Variants in ERGIC1 observed in about 807,000 individuals in gnomAD.
ERGIC1 encodes endoplasmic reticulum-Golgi intermediate compartment protein 1.
In ERGIC1, 19 loss-of-function variants were observed where a neutral mutation model predicts 38.3. That is an observed-to-expected ratio of 0.50 (90% CI 0.35 to 0.73). The LOEUF is 0.73. Among genes scored for constraint, ERGIC1 ranks in the 30% least tolerant of loss-of-function variants. The pLI, the probability that ERGIC1 is intolerant of heterozygous loss-of-function variation, is 0.01. For missense variants in ERGIC1, 294 were observed against 389.2 expected, an observed-to-expected ratio of 0.76 and a Z score of 2.06; for synonymous variants, 124 against 157.6, an observed-to-expected ratio of 0.79 and a Z score of 1.60.
Position 172,862,072 on chromosome 5 carries a change from A to G in ERGIC1, c.21-26627A>G, listed in dbSNP as rs188444418. 4.6e-3 allele frequency among the ~76,000 whole-genome samples: 701 copies of G among 151,302 alleles called. 7 individuals carry two copies. Among genetic ancestry groups the G allele is most frequent in the African/African-American group, 0.016 (679 of 41,272 alleles). ...AATGGCATGATCTCGGCTCGCTGCAACCTCCGCCTCCCGGGTTCAAGCGAT... is the reference window on the plus strand; with the variant it reads ...AATGGCATGATCTCGGCTCGCTGCAGCCTCCGCCTCCCGGGTTCAAGCGAT... On this transcript the variant is annotated intron_variant, in intron 1 of 9. Coordinates refer to ENST00000393784, the MANE Select transcript of ERGIC1 (RefSeq NM_001031711.3).
At chr5:172,931,725 C>G (rs1763778510) in intron 7 of ERGIC1, among the ~76,000 whole-genome samples, 1 of 152,172 alleles carries the variant, frequency 6.6e-6, no homozygotes, top group African/African-American at 2.4e-5. Context: ...GGGCATCTTT[C>G]CAGATAATTC....
At chr5:172,844,070 G>A (rs750401563) in intron 1 of ERGIC1, among the ~76,000 whole-genome samples, 2 of 152,180 alleles carry the variant, frequency 1.3e-5, no homozygotes, top group African/African-American at 2.4e-5. Flanking sequence ...CAGGGCCTCC[G>A]GGGTTTGCAG....
chr5:172,840,856 A>G (rs1232019604), intron 1 of ERGIC1, among the ~76,000 whole-genome samples: 1 of 152,202 alleles, frequency 6.6e-6, no homozygotes, highest in African/African-American at 2.4e-5. Flanking sequence ...TCATGTATTC[A>G]TTAAAATGTA....
At chr5:172,901,620 T>G (rs1762880466) in intron 3 of ERGIC1, among the ~76,000 whole-genome samples, 1 of 152,162 alleles carries the variant, frequency 6.6e-6, no homozygotes, top group Admixed American at 6.5e-5. Flanking sequence ...TGTTTGTTTT[T>G]TGAAACAGGG....
At chr5:172,901,587 T>C (rs1762877742) in intron 3 of ERGIC1, among the ~76,000 whole-genome samples, 1 of 152,062 alleles carries the variant, frequency 6.6e-6, no homozygotes, top group Admixed American at 6.5e-5. Context: ...GTCAGCACTT[T>C]ATTTTTATTT....
At chr5:172,885,706 T>TCGCTA (rs149462374) in intron 1 of ERGIC1, among the ~76,000 whole-genome samples, 15 of 151,880 alleles carry the variant, frequency 9.9e-5, no homozygotes, top group East Asian at 1.9e-4. Context: ...TGCAGCCCTT[T>TCGCTA]CCTGCTGCTC....
intron 1 of ERGIC1, among the ~76,000 whole-genome samples, chr5:172,885,888 G>A (rs1762406263): frequency 2.0e-5 from 3 of 152,152 alleles, no homozygotes; most frequent in African/African-American, 7.2e-5. Flanking sequence ...CATTTGTCCT[G>A]TAGAGTGTTG....
At position 172,834,585 on chromosome 5, in the gene ERGIC1, C is replaced by CCCCG. The variant is rs1760986445; in HGVS notation, c.20+155_20+156insGCCC. The CCCCG allele has an allele frequency of 1.4e-6, 1 of 710,516 alleles. No homozygotes were observed. Among genetic ancestry groups the CCCCG allele is most frequent in the African/African-American group, 2.1e-5 (1 of 48,322 alleles). The allele number at this position is 710,516 out of a possible 1,614,324, so 44.0% of individuals were successfully genotyped here. A position where few individuals can be genotyped will look rare whatever the true frequency, so the allele number is the denominator to read the frequency against. ...CCCCTAGGGACCCCAGGCGAGCCCCCCCCCTGCCGCACACGAAGCCAGCCA... is the reference window on the plus strand; with the variant it reads ...CCCCTAGGGACCCCAGGCGAGCCCCCCCCGCCCCTGCCGCACACGAAGCCAGCCA... On this transcript the variant is annotated intron_variant, in intron 1 of 9. Coordinates refer to ENST00000393784, the MANE Select transcript of ERGIC1 (RefSeq NM_001031711.3). The surrounding 1 kb of genome is among the most constrained non-coding windows in gnomAD (Gnocchi z 4.1).
intron 5 of ERGIC1, chr5:172,915,050 C>A: frequency 1.3e-6 from 1 of 753,178 alleles, no homozygotes; most frequent in Non-Finnish European, 2.4e-6. Context: ...ATGGCTGGTT[C>A]AGGAAGGAGC....
rs779354500 is a variant in ERGIC1, at chr5:172,926,593, C to T, written c.541+24C>T. Reference sequence around the variant, plus strand: ...CCGTATGTATCCCTGCTGGGAACAGCCTTCTGCTCCAAGATGCCCAGTACA... The same window carrying T: ...CCGTATGTATCCCTGCTGGGAACAGTCTTCTGCTCCAAGATGCCCAGTACA... On this transcript the variant is annotated intron_variant, in intron 7 of 9. Transcript: ENST00000393784. This position sits in a 1 kb window ranked among gnomAD's most constrained non-coding sequence, Gnocchi z 5.2. The T allele has an allele frequency of 1.2e-6, 2 of 1,609,708 alleles. No individual in the cohort carries two copies. Among genetic ancestry groups the T allele is most frequent in the Non-Finnish European group, 1.7e-6 (2 of 1,179,750 alleles).
At chr5:172,873,276 G>GT (rs558764785) in intron 1 of ERGIC1, among the ~76,000 whole-genome samples, 51 of 152,202 alleles carry the variant, frequency 3.4e-4, no homozygotes, top group Non-Finnish European at 6.8e-4. Context: ...GGAAACACTT[G>GT]GGGGGCCCTT....
At chr5:172,872,739 C>G (rs537998374) in intron 1 of ERGIC1, among the ~76,000 whole-genome samples, 2 of 151,844 alleles carry the variant, frequency 1.3e-5, no homozygotes, top group Non-Finnish European at 2.9e-5. Context: ...TGCTTGAGCC[C>G]GGGATGGGGA....
At chr5:172,841,516 C>T (rs1476871819) in intron 1 of ERGIC1, among the ~76,000 whole-genome samples, 1 of 152,246 alleles carries the variant, frequency 6.6e-6, no homozygotes, top group Non-Finnish European at 1.5e-5. Context: ...AATGGACAAA[C>T]CATTCTGTTT....
intron 3 of ERGIC1, among the ~76,000 whole-genome samples, chr5:172,899,082 CAT>C (rs1408163746): frequency 2.0e-5 from 3 of 152,152 alleles, no homozygotes; most frequent in Non-Finnish European, 2.9e-5. Context: ...CAGAGGCACA[CAT>C]GTGTCATCTG....
At chr5:172,908,932 T>C (rs1763129908) in intron 3 of ERGIC1, among the ~76,000 whole-genome samples, 1 of 152,210 alleles carries the variant, frequency 6.6e-6, no homozygotes, top group Admixed American at 6.5e-5. Flanking sequence ...TAAGGTCCTC[T>C]GTGCCTGCTG....
intron 2 of ERGIC1, among the ~76,000 whole-genome samples, chr5:172,891,835 T>A (rs1433411702): frequency 6.6e-6 from 1 of 152,198 alleles, no homozygotes; most frequent in Non-Finnish European, 1.5e-5. Context: ...TGCTGATACA[T>A]CCTGGGCACC....
At chr5:172,940,170 GT>G (rs60490597) in intron 9 of ERGIC1, among the ~76,000 whole-genome samples, 2 of 152,078 alleles carry the variant, frequency 1.3e-5, no homozygotes, top group Non-Finnish European at 2.9e-5. Context: ...ATTGCCAAGT[GT>G]TTAGTACCTG....
intron 5 of ERGIC1, chr5:172,915,730 C>T (rs1005965869): frequency 1.6e-5 from 7 of 439,528 alleles, no homozygotes; most frequent in South Asian, 6.5e-5. Flanking sequence ...GTGTCTTGCC[C>T]GAGGTCACAC....
chr5:172,910,422 C>T (rs953469677), intron 4 of ERGIC1, among the ~76,000 whole-genome samples: 1 of 152,226 alleles, frequency 6.6e-6, no homozygotes, highest in African/African-American at 2.4e-5. Flanking sequence ...TGAGAGAGTG[C>T]AGGACAGGGC....
Sources: allele counts gnomAD v4.1 joint callset (sites outside exome capture counted in the v4.1 genomes callset), GRCh38; gene constraint gnomAD v4.1.1; non-coding constraint Gnocchi (gnomAD v3.1); transcripts MANE v1.5; gene names NCBI Gene and HGNC (gene_info 2026-07-23, HGNC 2026-07-21).